MFN1: variants seen among roughly 807,000 people sequenced by gnomAD.
The protein encoded by MFN1 is mitofusin 1.
A neutral mutation model predicts 92.4 loss-of-function variants in MFN1; 65 were observed. The ratio of observed to expected loss-of-function variants is 0.70; its 90% confidence interval spans 0.58 to 0.86. MFN1 has a LOEUF of 0.86. MFN1 is among the 40% of genes least tolerant of loss of function. The probability of loss-of-function intolerance (pLI) is 0.00; values close to 1 mark genes in which losing one functional copy is unlikely to be tolerated. For synonymous variants in MFN1, 297 were observed against 300.9 expected, an observed-to-expected ratio of 0.99 and a Z score of 0.13; for missense variants, 781 against 868.0, an observed-to-expected ratio of 0.90 and a Z score of 1.26.
chr3:179,369,730 A>T (rs540075215), intron 9 of MFN1, among the ~76,000 whole-genome samples: 6 of 152,310 alleles, frequency 3.9e-5, no homozygotes, highest in African/African-American at 1.4e-4. Context: ...TGGTCTAGGA[A>T]TCTATATACA....
intron 9 of MFN1, among the ~76,000 whole-genome samples, chr3:179,373,773 T>C (rs1713113120): frequency 1.3e-5 from 2 of 151,890 alleles, no homozygotes; most frequent in Non-Finnish European, 2.9e-5. Flanking sequence ...TTCCGGGTTC[T>C]CGCCATTCTC....
intron 10 of MFN1, 146 bp downstream of exon 10, chr3:179,375,487 T>G: frequency 1.1e-6 from 1 of 946,894 alleles, no homozygotes; most frequent in Non-Finnish European, 1.6e-6. Flanking sequence ...TCTATATTTT[T>G]AAGTGCGTAT....
intron 9 of MFN1, among the ~76,000 whole-genome samples, chr3:179,373,242 G>A (rs1330874394): frequency 6.7e-6 from 1 of 148,288 alleles, no homozygotes; most frequent in African/African-American, 2.5e-5. Context: ...TAAAATGGCA[G>A]TAGAGATTAT....
rs979819284 is a variant in MFN1, at chr3:179,393,700, AAC to A, written c.*1643_*1644del. On this transcript the variant is annotated 3_prime_UTR_variant, in exon 18 of 18. Coordinates refer to ENST00000471841, the MANE Select transcript of MFN1 (RefSeq NM_033540.3). Reference sequence around the variant, plus strand: ...TTAGGTAACAACTACAACATGGAAAAACAGTGTCTAAGATCACGTACTGCTAA... The same window carrying A: ...TTAGGTAACAACTACAACATGGAAAAAGTGTCTAAGATCACGTACTGCTAA... The A allele has an allele frequency of 6.6e-6, 1 of 152,200 alleles. No homozygotes were observed. Among genetic ancestry groups the A allele is most frequent in the African/African-American group, 2.4e-5 (1 of 41,458 alleles). 9.4% of individuals were successfully genotyped at this position (152,200 alleles called of 1,614,324 possible).
intron 2 of MFN1, among the ~76,000 whole-genome samples, chr3:179,351,609 T>C (rs948773985): frequency 6.6e-6 from 1 of 152,160 alleles, no homozygotes; most frequent in African/African-American, 2.4e-5. Context: ...CAGTGTTAGG[T>C]TCTAGTTTCT....
intron 12 of MFN1, 192 bp from the exon 13 acceptor site, chr3:179,378,149 A>C: frequency 1.8e-6 from 1 of 568,530 alleles, no homozygotes; most frequent in East Asian, 3.0e-5. Context: ...GCGTGAGCCT[A>C]GGAGGTCAAG....
intron 3 of MFN1, among the ~76,000 whole-genome samples, chr3:179,353,867 G>A (rs776613995): frequency 1.3e-5 from 2 of 152,212 alleles, no homozygotes; most frequent in African/African-American, 2.4e-5. Flanking sequence ...CCTTGTTGTA[G>A]CTACGTCTAG....
chr3:179,369,118 G>A (rs1293460887), intron 9 of MFN1, among the ~76,000 whole-genome samples: 1 of 152,184 alleles, frequency 6.6e-6, no homozygotes, highest in African/African-American at 2.4e-5. Context: ...CTCAAGCCAA[G>A]CTATAGGATA....
At chr3:179,368,705 T>C (rs1330017307) in intron 9 of MFN1, among the ~76,000 whole-genome samples, 1 of 152,216 alleles carries the variant, frequency 6.6e-6, no homozygotes, top group Non-Finnish European at 1.5e-5. Context: ...TAGTTTCTTA[T>C]GTTGCATTGT....
chr3:179,354,228 C>T (rs969316290), intron 3 of MFN1, among the ~76,000 whole-genome samples: 12 of 152,162 alleles, frequency 7.9e-5, no homozygotes, highest in African/African-American at 2.9e-4. Flanking sequence ...GGTCCAAAAG[C>T]TCATTTCTTG....
At chr3:179,381,532 G>A (rs1377196585) in intron 14 of MFN1, among the ~76,000 whole-genome samples, 2 of 152,158 alleles carry the variant, frequency 1.3e-5, no homozygotes, top group Admixed American at 1.3e-4. Context: ...GTTATTAATG[G>A]TGTGTCTTAT....
intron 16 of MFN1, 93 bp from the exon 17 acceptor site, chr3:179,389,911 T>A: frequency 7.2e-6 from 9 of 1,250,646 alleles, no homozygotes; most frequent in Non-Finnish European, 1.0e-5. Flanking sequence ...AGAAGTTTTT[T>A]AAAACTTGTG....
rs779848233 is a variant in MFN1 at position 179,392,098 on chromosome 3, GA to G, written c.*42del. On this transcript the variant is annotated 3_prime_UTR_variant, in exon 18 of 18. Transcript: ENST00000471841. ...TTTGGTGACCATGATAGGAGGAAAC[GA>G]AACTTGTAAGATTGGAACAGTTGTT... The G allele has an allele frequency of 7.7e-7, 1 of 1,304,148 alleles. No individual in the cohort carries two copies. The allele number at this position is 1,304,148 out of a possible 1,614,324, so 80.8% of individuals were successfully genotyped here. A position where few individuals can be genotyped will look rare whatever the true frequency, so the allele number is the denominator to read the frequency against.
intron 17 of MFN1, 74 bp downstream of exon 17, chr3:179,390,212 A>C: frequency 1.7e-6 from 2 of 1,193,886 alleles, no homozygotes; most frequent in Non-Finnish European, 2.2e-6. Context: ...TTATTAATGA[A>C]TTTGTATTCA....
intron 3 of MFN1, among the ~76,000 whole-genome samples, chr3:179,353,452 C>T (rs935155216): frequency 6.6e-6 from 1 of 152,136 alleles, no homozygotes; most frequent in South Asian, 2.1e-4. Context: ...AAGTGAACCA[C>T]TCACCTCGGC....
intron 14 of MFN1, among the ~76,000 whole-genome samples, chr3:179,383,250 G>A (rs1242158589): frequency 6.6e-6 from 1 of 152,194 alleles, no homozygotes; most frequent in Non-Finnish European, 1.5e-5. Context: ...TTTGTATAAG[G>A]TGTAAGGAAG....
At chr3:179,352,939 G>A (rs759700694) in intron 3 of MFN1, among the ~76,000 whole-genome samples, 76 of 150,888 alleles carry the variant, frequency 5.0e-4, no homozygotes, top group Non-Finnish European at 6.2e-4. Context: ...TTTAGTAGAG[G>A]TGGGGTTTCA....
intron 14 of MFN1, among the ~76,000 whole-genome samples, chr3:179,381,638 A>G (rs778241667): frequency 6.6e-6 from 1 of 151,940 alleles, no homozygotes; most frequent in African/African-American, 2.4e-5. Context: ...GTGATGCCAA[A>G]CAACCATAGA....
In MFN1 at chr3:179,394,641, T is replaced by G. The variant is rs1393488301; in HGVS notation, c.*2582T>G. ...CGTGTTAGCCAGGATGGTCTCGATC[T>G]CCTGACCTCGTGATCCACCCGCCTC... On this transcript the variant is annotated 3_prime_UTR_variant, in exon 18 of 18. Coordinates refer to ENST00000471841, the MANE Select transcript of MFN1 (RefSeq NM_033540.3). 1 of 151,944 alleles carries G rather than the reference T, an allele frequency of 6.6e-6. No individual in the cohort carries two copies. The highest frequency in any genetic ancestry group is 1.5e-5 in the Non-Finnish European group (1 of 68,002). The allele number at this position is 151,944 out of a possible 1,614,324, so 9.4% of individuals were successfully genotyped here.
Sources: gnomAD v4.1 joint callset for allele counts (sites outside exome capture counted in the v4.1 genomes callset) on GRCh38, gnomAD v4.1.1 for gene constraint, MANE v1.5 for transcripts, NCBI Gene and HGNC (gene_info 2026-07-23, HGNC 2026-07-21) for gene names.